The following WDFY4 variants were observed in gnomAD, a reference collection of about 807,000 sequenced individuals.
The protein encoded by WDFY4 is WD repeat- and FYVE domain-containing protein 4.
In WDFY4, 169 loss-of-function variants were observed where a neutral mutation model predicts 351.9. The observed-to-expected ratio is 0.48, with a 90% CI of 0.42 to 0.55. The LOEUF (loss-of-function observed/expected upper bound fraction) is 0.55. Ranked by LOEUF, WDFY4 falls within the 20% of genes least tolerant of loss-of-function variation. The pLI, the probability that WDFY4 is intolerant of heterozygous loss-of-function variation, is 0.00. For synonymous variants in WDFY4, 1,622 were observed against 1,574.6 expected (o/e 1.03, Z -0.71); for missense variants, 3,803 against 3,935.6 (o/e 0.97, Z 0.90).
Position 48,941,970 on chromosome 10 carries a change from T to C in WDFY4, c.7629+122T>C, listed in dbSNP as rs1207360546. The C allele has an allele frequency of 4.1e-6, 4 of 977,460 alleles. No individual in the cohort carries two copies. The Admixed American group carries it at 1.0e-4, about 26-fold the overall frequency. 60.5% of individuals were successfully genotyped at this position (977,460 alleles called of 1,614,324 possible). On this transcript the variant is annotated intron_variant, in intron 48 of 61. Coordinates refer to ENST00000325239, the MANE Select transcript of WDFY4 (RefSeq NM_001394531.1). The stretch of plus-strand genomic sequence containing the variant: ...AAGGGATCTTATTATTTATTATTAT[T>C]ATTATTTCTTTGAGATGGAGTTTCA...
chr10:48,790,337 A>G (rs1385824078), intron 22 of WDFY4, among the ~76,000 whole-genome samples: 1 of 152,222 alleles, frequency 6.6e-6, no homozygotes, highest in Admixed American at 6.5e-5. Flanking sequence ...ATTGAGCAAT[A>G]GCAAGGCAAC....
At chr10:48,788,762 T>G in intron 21 of WDFY4, 87 bp downstream of exon 21, 1 of 1,488,962 alleles carries the variant, frequency 6.7e-7, no homozygotes, top group Non-Finnish European at 9.0e-7. Flanking sequence ...AAACACTATT[T>G]CATGTTTGCA....
At chr10:48,734,384 C>G (rs532180043) in intron 10 of WDFY4, among the ~76,000 whole-genome samples, 1 of 152,090 alleles carries the variant, frequency 6.6e-6, no homozygotes, top group East Asian at 1.9e-4. Context: ...AACATACGGG[C>G]AAAGAAATCT....
At chr10:48,905,295 C>A (rs1179161352) in intron 47 of WDFY4, among the ~76,000 whole-genome samples, 1 of 152,132 alleles carries the variant, frequency 6.6e-6, no homozygotes, top group Admixed American at 6.5e-5. Context: ...AGGAGCTTAC[C>A]CCCAGCTGTG....
At chr10:48,910,810 G>T in intron 47 of WDFY4, 1 of 609,794 alleles carries the variant, frequency 1.6e-6, no homozygotes, top group Non-Finnish European at 2.1e-6. Context: ...TAAGGGTGTT[G>T]AGGACCAAGC....
chr10:48,718,473 A>G (rs2063976727), intron 2 of WDFY4, among the ~76,000 whole-genome samples: 1 of 152,390 alleles, frequency 6.6e-6, no homozygotes, highest in African/African-American at 2.4e-5. Context: ...AGCTTAAAAA[A>G]GAACTCATTC....
intron 13 of WDFY4, among the ~76,000 whole-genome samples, chr10:48,772,127 G>A (rs1370771130): frequency 6.6e-6 from 1 of 152,180 alleles, no homozygotes; most frequent in Middle Eastern, 3.2e-3. Flanking sequence ...CCTGAGACAG[G>A]GGTCCAGGTA....
intron 10 of WDFY4, among the ~76,000 whole-genome samples, chr10:48,734,583 T>C (rs982734227): frequency 1.3e-5 from 2 of 151,740 alleles, no homozygotes; most frequent in African/African-American, 4.8e-5. Flanking sequence ...GTGGGTTTGG[T>C]GATTTAGGCA....
intron 13 of WDFY4, among the ~76,000 whole-genome samples, chr10:48,773,732 C>T (rs1234639522): frequency 6.6e-6 from 1 of 152,172 alleles, no homozygotes; most frequent in Admixed American, 6.5e-5. Context: ...ATGAGAGTGG[C>T]TTCAGCAAAC....
At chr10:48,713,261 T>C (rs1035854290) in intron 2 of WDFY4, among the ~76,000 whole-genome samples, 1 of 152,174 alleles carries the variant, frequency 6.6e-6, no homozygotes, top group South Asian at 2.1e-4. Flanking sequence ...GCTTCAAACT[T>C]GTGAGTCTTG....
chr10:48,901,393 A>T (rs186246637), intron 46 of WDFY4, among the ~76,000 whole-genome samples: 1 of 152,272 alleles, frequency 6.6e-6, no homozygotes, highest in East Asian at 1.9e-4. Context: ...TCAGGATGTG[A>T]AGGTGGCCTA....
Position 48,946,158 on chromosome 10 carries a change from G to GT in WDFY4, c.7867+2dup. The stretch of plus-strand genomic sequence containing the variant: ...TTTAAAGAAGTTGAGAAAACTGAAG[G>GT]TGAGTAGATCCAGCTTGATTTTTGG... On this transcript the variant is annotated splice_donor_variant, in intron 50 of 61. Transcript: ENST00000325239. LOFTEE classifies it high-confidence loss of function. 2 of 1,543,892 alleles carry GT rather than the reference G, an allele frequency of 1.3e-6. No individual in the cohort carries two copies. The highest frequency in any genetic ancestry group is 1.8e-6 in the Non-Finnish European group (2 of 1,142,256).
At chr10:48,894,854 G>A (rs1159944717) in intron 44 of WDFY4, among the ~76,000 whole-genome samples, 1 of 152,222 alleles carries the variant, frequency 6.6e-6, no homozygotes, top group Non-Finnish European at 1.5e-5. Flanking sequence ...AAGGAGAATT[G>A]TCTCTGTGGC....
At position 48,776,728 on chromosome 10, in the gene WDFY4, C is replaced by T. The variant is rs201508162; in HGVS notation, c.2864-22C>T. ...AAATGCTTTGAGCAGAGACACATCT[C>T]TTCTCTTGCTTGCTGCCCTAGGGTC... On this transcript the variant is annotated intron_variant, in intron 15 of 61. Coordinates refer to ENST00000325239, the MANE Select transcript of WDFY4 (RefSeq NM_001394531.1). 3,260 of 1,503,592 alleles carry T rather than the reference C, an allele frequency of 2.2e-3. 9 individuals carry two copies. The highest frequency in any genetic ancestry group is 2.7e-3 in the Non-Finnish European group (2,992 of 1,123,480). The allele number at this position is 1,503,592 out of a possible 1,614,324, so 93.1% of individuals were successfully genotyped here.
chr10:48,910,201 TAGCTGAG>T, intron 47 of WDFY4: 1 of 1,543,640 alleles, frequency 6.5e-7, no homozygotes, highest in Non-Finnish European at 9.0e-7. Flanking sequence ...TTTATTCTGT[TAGCTGAG>T]TAGTCTTCAA....
intron 12 of WDFY4, among the ~76,000 whole-genome samples, chr10:48,743,973 C>T (rs547324016): frequency 6.6e-6 from 1 of 152,334 alleles, no homozygotes; most frequent in East Asian, 1.9e-4. Flanking sequence ...CTGCAGGACA[C>T]AAACCACAGT....
intron 51 of WDFY4, among the ~76,000 whole-genome samples, chr10:48,952,051 C>A (rs887375175): frequency 3.9e-5 from 6 of 152,244 alleles, no homozygotes; most frequent in Non-Finnish European, 7.3e-5. Context: ...CAGATGCTAA[C>A]TGCAGAGAGA....
At chr10:48,977,424 C>T (rs540804598) in intron 59 of WDFY4, among the ~76,000 whole-genome samples, 1 of 143,760 alleles carries the variant, frequency 7.0e-6, no homozygotes, top group South Asian at 2.2e-4. Flanking sequence ...CACCCATCCA[C>T]TCATCCATCC....
At chr10:48,977,358 C>T (rs1286282068) in intron 59 of WDFY4, among the ~76,000 whole-genome samples, 1 of 152,080 alleles carries the variant, frequency 6.6e-6, no homozygotes, top group African/African-American at 2.4e-5. Flanking sequence ...CCCACCTACC[C>T]ATTTATCTCT....
Sources: allele counts gnomAD v4.1 joint callset (sites outside exome capture counted in the v4.1 genomes callset), GRCh38; gene constraint gnomAD v4.1.1; transcripts MANE v1.5; gene names NCBI Gene and HGNC (gene_info 2026-07-23, HGNC 2026-07-21).